The following MAPK10 variants were observed in gnomAD, a reference collection of about 807,000 sequenced individuals.
MAPK10 encodes the protein mitogen-activated protein kinase 10, also known as JNK3 alpha protein kinase.
In MAPK10, 25 loss-of-function variants were observed where a neutral mutation model predicts 59.3. The observed-to-expected ratio is 0.42, with a 90% CI of 0.31 to 0.59. The LOEUF (loss-of-function observed/expected upper bound fraction) is 0.59. Among genes scored for constraint, MAPK10 ranks in the 20% least tolerant of loss-of-function variants. The pLI, the probability that MAPK10 is intolerant of heterozygous loss-of-function variation, is 0.15. For missense variants in MAPK10, 351 were observed against 568.9 expected (o/e 0.62, Z 3.90); for synonymous variants, 190 against 200.5 (o/e 0.95, Z 0.44).
At chr4:86,109,253 G>C (rs896448028) in intron 4 of MAPK10, among the ~76,000 whole-genome samples, 4 of 152,006 alleles carry the variant, frequency 2.6e-5, no homozygotes, top group African/African-American at 9.7e-5. Flanking sequence ...AAGTTCCTGG[G>C]TACATGTGCA....
intron 1 of MAPK10, among the ~76,000 whole-genome samples, chr4:86,571,205 G>T (rs1761418364): frequency 6.9e-6 from 1 of 145,800 alleles, no homozygotes; most frequent in South Asian, 2.2e-4. Flanking sequence ...TTTAGTGATT[G>T]GAATCTGTAA....
intron 2 of MAPK10, among the ~76,000 whole-genome samples, chr4:86,325,161 A>T (rs2095994616): frequency 1.3e-5 from 2 of 152,220 alleles, no homozygotes; most frequent in South Asian, 4.1e-4. Context: ...CATAAAAAAA[A>T]TAAAGCACGC....
intron 11 of MAPK10, among the ~76,000 whole-genome samples, chr4:86,059,413 AT>A (rs1158017979): frequency 6.6e-6 from 1 of 152,224 alleles, no homozygotes; most frequent in African/African-American, 2.4e-5. Context: ...ATCACTTTAC[AT>A]TATAAACAAA....
intron 9 of MAPK10, chr4:86,081,258 T>C (rs1161617999): frequency 1.3e-5 from 2 of 152,054 alleles, no homozygotes; most frequent in East Asian, 1.9e-4. Context: ...TGTGGACTAA[T>C]GGTTTAAATG....
At chr4:86,161,076 G>T (rs1242242260) in intron 3 of MAPK10, among the ~76,000 whole-genome samples, 2 of 152,002 alleles carry the variant, frequency 1.3e-5, no homozygotes, top group African/African-American at 4.8e-5. Context: ...AGACAGACTT[G>T]AAAGTAGAAT....
At chr4:86,292,504 G>C (rs573868233) in intron 2 of MAPK10, among the ~76,000 whole-genome samples, 1 of 152,088 alleles carries the variant, frequency 6.6e-6, no homozygotes, top group Admixed American at 6.6e-5. Context: ...ACAGCTTGAC[G>C]TCAGGAGTTT....
chr4:86,042,283 T>G (rs188553340), intron 11 of MAPK10, among the ~76,000 whole-genome samples: 8 of 152,238 alleles, frequency 5.3e-5, no homozygotes, highest in African/African-American at 1.7e-4. Flanking sequence ...TGAGAACACA[T>G]GGACACAGGG....
At chr4:86,280,282 T>C (rs1321902736) in intron 2 of MAPK10, among the ~76,000 whole-genome samples, 1 of 151,986 alleles carries the variant, frequency 6.6e-6, no homozygotes, top group Non-Finnish European at 1.5e-5. Context: ...CATGAAAAAG[T>C]GGGCAAAGGA....
chr4:86,309,393 A>G (rs142863357), intron 2 of MAPK10, among the ~76,000 whole-genome samples: 1,601 of 152,270 alleles, frequency 0.011, 11 homozygotes, highest in South Asian at 0.034. Flanking sequence ...CAAGCATTGC[A>G]TCAATATAAT....
chr4:86,512,296 A>G (rs1446838817), intron 1 of MAPK10, among the ~76,000 whole-genome samples: 1 of 152,254 alleles, frequency 6.6e-6, no homozygotes. Flanking sequence ...GGATAAGTTC[A>G]GTAAAAATCT....
At chr4:86,286,368 A>G (rs2095010572) in intron 2 of MAPK10, among the ~76,000 whole-genome samples, 1 of 152,112 alleles carries the variant, frequency 6.6e-6, no homozygotes, top group Non-Finnish European at 1.5e-5. Flanking sequence ...AGATTCTGTT[A>G]TTTCTCTCTC....
intron 1 of MAPK10, among the ~76,000 whole-genome samples, chr4:86,556,989 G>C (rs1485895433): frequency 1.3e-5 from 2 of 151,996 alleles, no homozygotes; most frequent in Admixed American, 6.6e-5. Flanking sequence ...CTCTGGGACA[G>C]AGCCATTTTA....
rs534322091 is a variant in MAPK10, at chr4:86,494,401, G to A, written c.-263+99509C>T. ...ACAGGAGGGGACTGGCGTTCCACAT[G>A]GGCTGAGATAAGGCAGAAGGCCATG... On this transcript the variant is annotated intron_variant, in intron 1 of 4. Coordinates refer to the MAPK10 transcript ENST00000502302. 2.6e-4 allele frequency among the ~76,000 whole-genome samples: 39 copies of A among 152,312 alleles called. No homozygotes were observed. The South Asian group carries it at 7.7e-3, about 30-fold the overall frequency.
At chr4:86,505,462 G>T (rs1027058705) in intron 1 of MAPK10, among the ~76,000 whole-genome samples, 1 of 151,884 alleles carries the variant, frequency 6.6e-6, no homozygotes, top group African/African-American at 2.4e-5. Flanking sequence ...AATTTGTGGT[G>T]GCATGCATCT....
At chr4:86,352,103 T>C (rs933265165) in intron 2 of MAPK10, 1 of 152,092 alleles carries the variant, frequency 6.6e-6, no homozygotes, top group Admixed American at 6.5e-5. Context: ...GGAATGTAAA[T>C]TGATGCAACT....
intron 2 of MAPK10, among the ~76,000 whole-genome samples, chr4:86,213,867 C>T (rs1192158607): frequency 6.6e-6 from 1 of 152,040 alleles, no homozygotes; most frequent in Non-Finnish European, 1.5e-5. Context: ...CAGACTCATT[C>T]TATGAGACCA....
rs114885612 is a variant in MAPK10, at chr4:86,177,176, C to A, written c.66+17160G>T. On this transcript the variant is annotated intron_variant, in intron 3 of 13. Coordinates refer to ENST00000641462, the MANE Select transcript of MAPK10 (RefSeq NM_138982.4). ...GCCTTCAACTACATCCACAGTTCAA[C>A]CTGCTGATCCCCTTAAGCCATATGT... Among the ~76,000 whole-genome samples, 547 of 152,154 alleles carry A rather than the reference C, an allele frequency of 3.6e-3. 9 individuals carry two copies. Among genetic ancestry groups the A allele is most frequent in the African/African-American group, 0.013 (525 of 41,536 alleles).
intron 1 of MAPK10, among the ~76,000 whole-genome samples, chr4:86,561,829 A>T (rs1308655972): frequency 6.6e-6 from 1 of 152,188 alleles, no homozygotes; most frequent in African/African-American, 2.4e-5. Flanking sequence ...CAGACAATCT[A>T]GTTGGAAGAA....
intron 2 of MAPK10, among the ~76,000 whole-genome samples, chr4:86,286,429 T>C (rs28733919): frequency 0.045 from 6,869 of 152,210 alleles, 534 homozygotes; most frequent in African/African-American, 0.16. Context: ...ATAATAATAA[T>C]AATTACAAAT....
Sources: allele counts gnomAD v4.1 joint callset (sites outside exome capture counted in the v4.1 genomes callset), GRCh38; gene constraint gnomAD v4.1.1; transcripts MANE v1.5; gene names NCBI Gene and HGNC (gene_info 2026-07-23, HGNC 2026-07-21).